The following VPS72 variants were observed in gnomAD, a reference collection of about 807,000 sequenced individuals.
VPS72 encodes vacuolar protein sorting-associated protein 72 homolog.
In VPS72, 27 loss-of-function variants were observed where a neutral mutation model predicts 38.9. That is an observed-to-expected ratio of 0.69 (90% CI 0.51 to 0.96). The LOEUF (loss-of-function observed/expected upper bound fraction) is 0.96, where lower values mean the gene tolerates loss of function less well. Among genes scored for constraint, VPS72 ranks in the 40% least tolerant of loss-of-function variants. The pLI is 0.00. For missense variants in VPS72, 360 were observed against 479.5 expected (o/e 0.75, Z 2.33); for synonymous variants, 173 against 186.3 (o/e 0.93, Z 0.58).
In VPS72 at chr1:151,181,714, G is replaced by T. The variant is rs978942024; in HGVS notation, c.562+2603C>A. 5.3e-5 allele frequency among the ~76,000 whole-genome samples: 8 copies of T among 152,084 alleles called. 1 individual carries two copies. Among genetic ancestry groups the T allele is most frequent in the Admixed American group, 2.6e-4 (4 of 15,260 alleles). ...AATTCATGGTCCTAGCCTTCAGCAG[G>T]TCCCTCAATACTGCTCAATATCCCA... On this transcript the variant is annotated intron_variant, in intron 4 of 5. Transcript: ENST00000368892.
At chr1:151,187,692 C>G (rs1480692460) in intron 1 of VPS72, among the ~76,000 whole-genome samples, 1 of 152,112 alleles carries the variant, frequency 6.6e-6, no homozygotes, top group African/African-American at 2.4e-5. Context: ...GGATTTAAGG[C>G]TGAAAAAGTT....
In VPS72 at chr1:151,176,866, G is replaced by T. The variant is rs762989273; in HGVS notation, c.873C>A (p.Val291=). The change falls in exon 6 of 6, where the codon GTC becomes GTA. Residue 291 remains valine, a synonymous_variant. Coordinates refer to ENST00000368892, the MANE Select transcript of VPS72 (RefSeq NM_005997.3). ...GGGCTGGACGATGGGTCACTGGACA[G>T]ACCTCACGAACAGGGACTTTTGGGG... The part of the protein sequence containing the change: ...GRPPKVPVRE[V]CPVTHRPALY... The T allele has an allele frequency of 6.2e-7, 1 of 1,614,202 alleles. No individual in the cohort carries two copies. The highest frequency in any genetic ancestry group is 8.5e-7 in the Non-Finnish European group (1 of 1,180,032).
rs761627692 is a variant in VPS72, at chr1:151,190,127, C to T, written c.-6G>A. 3.1e-6 allele frequency: 5 copies of T among 1,612,564 alleles called. No individual in the cohort carries two copies. In the African/African-American group the frequency reaches 5.3e-5, roughly 17 times the overall value. On this transcript the variant is annotated 5_prime_UTR_variant, in exon 1 of 6. Transcript: ENST00000368892. ...CGGCCCCCAGCCAAACTCATACCGCCTACCGAGACTGCGCCGCCACCTGCA... is the reference window on the plus strand; with the variant it reads ...CGGCCCCCAGCCAAACTCATACCGCTTACCGAGACTGCGCCGCCACCTGCA...
rs1558215304 is a variant in VPS72, at chr1:151,185,445, T to C, written c.385+61A>G. 4.6e-6 allele frequency: 7 copies of C among 1,514,498 alleles called. No homozygotes were observed. In the Admixed American group the frequency reaches 1.0e-4, roughly 22 times the overall value. 93.8% of individuals were successfully genotyped at this position (1,514,498 alleles called of 1,614,324 possible). A position where few individuals can be genotyped will look rare whatever the true frequency, so the allele number is the denominator to read the frequency against. Reference sequence around the variant, plus strand: ...CCAGCAACATCAGTAAATTTAACACTGATATGATACTTTATTATTATATTC... The same window carrying C: ...CCAGCAACATCAGTAAATTTAACACCGATATGATACTTTATTATTATATTC... On this transcript the variant is annotated intron_variant, in intron 3 of 5. Transcript: ENST00000368892.
chr1:151,183,274 A>G (rs1181267718), intron 4 of VPS72, among the ~76,000 whole-genome samples: 1 of 151,390 alleles, frequency 6.6e-6, no homozygotes, highest in Non-Finnish European at 1.5e-5. Flanking sequence ...ATACAAAAAA[A>G]TTAGCTGGGC....
intron 5 of VPS72, 84 bp from the exon 6 acceptor site, chr1:151,177,115 A>C: frequency 7.0e-7 from 1 of 1,419,462 alleles, no homozygotes; most frequent in Non-Finnish European, 9.3e-7. Flanking sequence ...GGCTGGGTGC[A>C]GTGGCTCACA....
intron 1 of VPS72, 57 bp downstream of exon 1, chr1:151,189,948 T>C: frequency 1.3e-6 from 2 of 1,583,918 alleles, no homozygotes; most frequent in East Asian, 2.2e-5. Flanking sequence ...CCGGGGTTTC[T>C]CCCTTCAGGG....
At chr1:151,186,477 T>C (rs957972111) in intron 1 of VPS72, among the ~76,000 whole-genome samples, 5 of 151,598 alleles carry the variant, frequency 3.3e-5, no homozygotes, top group African/African-American at 1.2e-4. Flanking sequence ...GAGAACTGCT[T>C]GAACCCAGGA....
chr1:151,183,746 G>A (rs1684288845), intron 4 of VPS72, among the ~76,000 whole-genome samples: 1 of 152,096 alleles, frequency 6.6e-6, no homozygotes, highest in African/African-American at 2.4e-5. Context: ...ACAGGTATGA[G>A]CCACTGCGCT....
intron 4 of VPS72, among the ~76,000 whole-genome samples, chr1:151,183,076 C>T (rs1379770584): frequency 6.6e-6 from 1 of 152,038 alleles, no homozygotes; most frequent in Non-Finnish European, 1.5e-5. Flanking sequence ...TTTGTTTTTT[C>T]CCCACTGAAC....
chr1:151,183,318 G>C (rs891835481), intron 4 of VPS72, among the ~76,000 whole-genome samples: 2 of 150,310 alleles, frequency 1.3e-5, no homozygotes, highest in Non-Finnish European at 3.0e-5. Flanking sequence ...CAGCTACTTG[G>C]GAGGCTGAGG....
chr1:151,178,330 G>A (rs1274256356), intron 4 of VPS72, among the ~76,000 whole-genome samples, 185 bp from the exon 5 acceptor site: 1 of 152,168 alleles, frequency 6.6e-6, no homozygotes, highest in East Asian at 1.9e-4. Flanking sequence ...CTGCTTATAA[G>A]TTTTTTCTTG....
In VPS72 at chr1:151,190,162, C is replaced by CA; in HGVS notation, c.-42dup. On this transcript the variant is annotated 5_prime_UTR_variant, in exon 1 of 6. It removes the in-frame stop codon of an upstream open reading frame in the 5' UTR. Coordinates refer to ENST00000368892, the MANE Select transcript of VPS72 (RefSeq NM_005997.3). ...TGCGCCGCCACCTGCAGCCCCTCACCAGCTCGGTTTTGGGAGCTCGACGCT... is the reference window on the plus strand; with the variant it reads ...TGCGCCGCCACCTGCAGCCCCTCACCAAGCTCGGTTTTGGGAGCTCGACGCT... The CA allele has an allele frequency of 6.2e-7, 1 of 1,606,884 alleles. No individual in the cohort carries two copies.
chr1:151,185,691 G>C, intron 2 of VPS72, 71 bp from the exon 3 acceptor site: 1 of 1,609,082 alleles, frequency 6.2e-7, no homozygotes, highest in Non-Finnish European at 8.5e-7. Flanking sequence ...CTCAATGAGA[G>C]AAAACTAGCA....
rs1684304587 is a variant in VPS72, at chr1:151,184,424, T to C, written c.455A>G (p.Gln152Arg). 2 of 1,614,118 alleles carry C rather than the reference T, an allele frequency of 1.2e-6. No individual in the cohort carries two copies. Among genetic ancestry groups the C allele is most frequent in the Non-Finnish European group, 1.7e-6 (2 of 1,180,034 alleles). Residue 152 changes from glutamine to arginine, a missense_variant, in exon 4 of 6, where the codon CAG (glutamine) becomes CGG (arginine). Gln to Arg is a conservative substitution (Grantham distance 43). Coordinates refer to ENST00000368892, the MANE Select transcript of VPS72 (RefSeq NM_005997.3). ...CCCCTTTCGCCGTCTTGACTGGCCCTGCCTCTCCTGTACCCGAAGGAACGT... is the reference window on the plus strand; with the variant it reads ...CCCCTTTCGCCGTCTTGACTGGCCCCGCCTCTCCTGTACCCGAAGGAACGT... ...RQTFLRVQER[Q>R]GQSRRRKGPH...
Position 151,185,948 on chromosome 1 carries a change from T to C in VPS72, c.120A>G (p.Glu40=). The C allele has an allele frequency of 6.2e-7, 1 of 1,613,858 alleles. No homozygotes were observed. The highest frequency in any genetic ancestry group is 8.5e-7 in the Non-Finnish European group (1 of 1,179,910). ...CCCCTTGATACTCATCATCTCCGGA[T>C]TCCTAAGGACACAGGGAGATAAGGG... ...YQTTYGGFTE[E]SGDDEYQGDQ... The change falls in exon 2 of 6, where the codon GAA becomes GAG. Residue 40 remains glutamate, a splice_region_variant and synonymous_variant. Transcript: ENST00000368892.
intron 5 of VPS72, 37 bp downstream of exon 5, chr1:151,177,964 G>A: frequency 6.2e-7 from 1 of 1,605,856 alleles, no homozygotes; most frequent in Non-Finnish European, 8.5e-7. Flanking sequence ...AACATGAGCT[G>A]AACACACAAT....
At chr1:151,181,090 C>T (rs1684227548) in intron 4 of VPS72, among the ~76,000 whole-genome samples, 1 of 152,168 alleles carries the variant, frequency 6.6e-6, no homozygotes, top group East Asian at 1.9e-4. Context: ...TCACTGAAGA[C>T]TTTGGCAGTG....
At chr1:151,185,314 C>T (rs1403774933) in intron 3 of VPS72, among the ~76,000 whole-genome samples, 192 bp downstream of exon 3, 11 of 151,998 alleles carry the variant, frequency 7.2e-5, no homozygotes, top group African/African-American at 2.2e-4. Flanking sequence ...TTAGTAGAGA[C>T]GGAATTTCAC....
Sources: gnomAD v4.1 joint callset for allele counts (sites outside exome capture counted in the v4.1 genomes callset) on GRCh38, gnomAD v4.1.1 for gene constraint, MANE v1.5 for transcripts, NCBI Gene and HGNC (gene_info 2026-07-23, HGNC 2026-07-21) for gene names.